TCP11: variants seen among roughly 807,000 people sequenced by gnomAD.
TCP11 encodes the protein T-complex protein 11 homolog.
TCP11 carries 34 observed loss-of-function variants against 45.0 expected under a neutral mutation model. That is an observed-to-expected ratio of 0.76 (90% CI 0.57 to 1.01). The LOEUF (loss-of-function observed/expected upper bound fraction) is 1.01, where lower values mean the gene tolerates loss of function less well. TCP11 is among the 50% of genes least tolerant of loss of function. TCP11 has a pLI of 0.00. For synonymous variants in TCP11, 227 were observed against 227.0 expected, an observed-to-expected ratio of 1.00 and a Z score of 0.00; for missense variants, 523 against 598.1, an observed-to-expected ratio of 0.87 and a Z score of 1.31.
chr6:35,119,541 T>C, intron 8 of TCP11, 150 bp from the exon 9 acceptor site: 4 of 852,824 alleles, frequency 4.7e-6, no homozygotes, highest in Non-Finnish European at 7.1e-6. Context: ...TGGCAGGCTA[T>C]AGGGCCCAGT....
Position 35,118,512 on chromosome 6 carries a change from G to A in TCP11, c.1280-11C>T, listed in dbSNP as rs774160021. On this transcript the variant is annotated splice_polypyrimidine_tract_variant and intron_variant, in intron 9 of 9. Coordinates refer to ENST00000311875, the MANE Select transcript of TCP11 (RefSeq NM_001370687.1). ...AATGGATCCGCTGATCTGTGAGCAG[G>A]AAAAGACACTGATAAGGGAAAAGGC... is the stretch of plus-strand genomic sequence containing the variant. 1.2e-6 allele frequency: 2 copies of A among 1,610,902 alleles called. No homozygotes were observed. Among genetic ancestry groups the A allele is most frequent in the Middle Eastern group, 1.7e-4 (1 of 6,048 alleles).
Position 35,129,157 on chromosome 6 carries a change from CT to C in TCP11, c.261del (p.Val88CysfsTer27), listed in dbSNP as rs1239177105. The C allele has an allele frequency of 6.2e-7, 1 of 1,613,982 alleles. No individual in the cohort carries two copies. Among genetic ancestry groups the C allele is most frequent in the Admixed American group, 1.7e-5 (1 of 59,998 alleles). Reference sequence around the variant, plus strand: ...AGATGGTCCCAAAAGGCATTGTGCACTGTCTCCTTGACCTTGCCTTCCAGAC... The same window carrying C: ...AGATGGTCCCAAAAGGCATTGTGCACGTCTCCTTGACCTTGCCTTCCAGAC... ...PSSLEGKVKETVHNAFWDHLK... is the reference protein window; with the variant it reads ...PSSLEGKVKEXVHNAFWDHLK... On this transcript the variant is annotated frameshift_variant, in exon 4 of 10. Coordinates refer to ENST00000311875, the MANE Select transcript of TCP11 (RefSeq NM_001370687.1). LOFTEE classifies it high-confidence loss of function.
At chr6:35,126,021 G>A (rs1234372499) in intron 4 of TCP11, among the ~76,000 whole-genome samples, 1 of 152,132 alleles carries the variant, frequency 6.6e-6, no homozygotes, top group African/African-American at 2.4e-5. Context: ...TGTTTAATGA[G>A]TACAAAATTT....
At chr6:35,126,553 G>T (rs1180454749) in intron 4 of TCP11, among the ~76,000 whole-genome samples, 9 of 151,782 alleles carry the variant, frequency 5.9e-5, no homozygotes, top group African/African-American at 2.2e-4. Context: ...AAGTAGAATG[G>T]CTTATTTTAG....
At chr6:35,135,789 T>G (rs1417921554) in intron 3 of TCP11, among the ~76,000 whole-genome samples, 1 of 152,070 alleles carries the variant, frequency 6.6e-6, no homozygotes, top group Non-Finnish European at 1.5e-5. Flanking sequence ...GCTGCTAAAT[T>G]TTGGGGTAAT....
rs771201385 is a variant in TCP11, at chr6:35,129,149, A to C, written c.270T>G (p.Asn90Lys). 2 of 1,614,146 alleles carry C rather than the reference A, an allele frequency of 1.2e-6. No homozygotes were observed. The highest frequency in any genetic ancestry group is 2.2e-5 in the South Asian group (2 of 91,074). Reference protein sequence around the residue: ...LEGKVKETVHNAFWDHLKEQL... With the variant: ...LEGKVKETVHKAFWDHLKEQL... Reference sequence around the variant, plus strand: ...GCTCTTTAAGATGGTCCCAAAAGGCATTGTGCACTGTCTCCTTGACCTTGC... The same window carrying C: ...GCTCTTTAAGATGGTCCCAAAAGGCCTTGTGCACTGTCTCCTTGACCTTGC... The change falls in exon 4 of 10, where the codon AAT becomes AAG. Residue 90 changes from asparagine (N) to lysine (K), a missense_variant. Physicochemically the swap from Asn to Lys is moderately conservative, Grantham distance 94. This residue lies in a region of TCP11 where 225 missense variants were observed against 210.2 expected (regional missense o/e 1.07). Transcript: ENST00000311875.
At chr6:35,130,421 A>G (rs1780276494) in intron 3 of TCP11, among the ~76,000 whole-genome samples, 1 of 152,186 alleles carries the variant, frequency 6.6e-6, no homozygotes. Flanking sequence ...AAAACAAGAC[A>G]CACACTAGGA....
intron 4 of TCP11, among the ~76,000 whole-genome samples, chr6:35,126,140 T>C (rs1004991016): frequency 2.6e-5 from 4 of 152,216 alleles, no homozygotes; most frequent in African/African-American, 9.6e-5. Flanking sequence ...AATTTTGTTA[T>C]GAATATTTTG....
intron 9 of TCP11, 44 bp downstream of exon 9, chr6:35,119,184 T>C: frequency 6.2e-7 from 1 of 1,607,120 alleles, no homozygotes; most frequent in South Asian, 1.1e-5. Context: ...GGTTGGGATC[T>C]ATCTCTTCCC....
At chr6:35,135,192 TTCTGAGA>T (rs948869905) in intron 3 of TCP11, among the ~76,000 whole-genome samples, 3 of 151,596 alleles carry the variant, frequency 2.0e-5, no homozygotes, top group African/African-American at 7.3e-5. Context: ...GGGATGTCAC[TTCTGAGA>T]TCAGGTAACA....
intron 4 of TCP11, 29 bp downstream of exon 4, chr6:35,129,033 T>C: frequency 6.2e-7 from 1 of 1,610,422 alleles, no homozygotes; most frequent in South Asian, 1.1e-5. Flanking sequence ...GTCTAGAAAC[T>C]TTACATTTAC....
chr6:35,118,288 G>A lies in TCP11; in HGVS notation c.1493C>T (p.Thr498Ile). The A allele has an allele frequency of 6.2e-7, 1 of 1,614,144 alleles. No individual in the cohort carries two copies. Among genetic ancestry groups the A allele is most frequent in the Non-Finnish European group, 8.5e-7 (1 of 1,180,004 alleles). Reference sequence around the variant, plus strand: ...ACGCTATCAAACAGACTCCACTTTTGTTTCCAGTGCCTGGGCTGGGGAAAT... The same window carrying A: ...ACGCTATCAAACAGACTCCACTTTTATTTCCAGTGCCTGGGCTGGGGAAAT... ...TLISPAQALE[T>I]KVESV Residue 498 changes from threonine (T) to isoleucine (I), a missense_variant, in exon 10 of 10, where the codon ACA becomes ATA. Coordinates refer to ENST00000311875, the MANE Select transcript of TCP11 (RefSeq NM_001370687.1).
intron 3 of TCP11, among the ~76,000 whole-genome samples, chr6:35,131,327 G>C (rs1049093066): frequency 4.0e-5 from 6 of 151,648 alleles, no homozygotes; most frequent in Middle Eastern, 3.4e-3. Context: ...CAGCACTTTG[G>C]GGGGCCGAGG....
chr6:35,131,365 C>T (rs1290183342), intron 3 of TCP11, among the ~76,000 whole-genome samples: 3 of 151,998 alleles, frequency 2.0e-5, no homozygotes, highest in African/African-American at 7.3e-5. Context: ...GCCAGGAGTT[C>T]GAGACCGGCC....
intron 3 of TCP11, among the ~76,000 whole-genome samples, chr6:35,132,972 A>C (rs1780619860): frequency 2.6e-5 from 4 of 152,236 alleles, no homozygotes. Flanking sequence ...TCAAGAACAA[A>C]TCAAAGAAGC....
chr6:35,120,957 T>C lies in TCP11; in HGVS notation c.667A>G (p.Ile223Val). The change falls in exon 6 of 10, where the codon ATT becomes GTT. Residue 223 changes from isoleucine (I) to valine (V), a missense_variant. Coordinates refer to ENST00000311875, the MANE Select transcript of TCP11 (RefSeq NM_001370687.1). This position sits in a 1 kb window ranked among gnomAD's most constrained non-coding sequence, Gnocchi z 4.9. ...TGGAATTTAGCCCGTTCATACTGAA[T>C]GGAATGTTCCTGCAGGTGGGGTTGA... ...SLQPHLQEHS[I>V]QYERAKFQEL... 1 of 1,614,084 alleles carries C rather than the reference T, an allele frequency of 6.2e-7. No individual in the cohort carries two copies. The highest frequency in any genetic ancestry group is 2.2e-5 in the East Asian group (1 of 44,884).
rs112303926 is a variant in TCP11, at chr6:35,141,263, G to C, written c.-73C>G. 2 of 183,622 alleles carry C rather than the reference G, an allele frequency of 1.1e-5. No homozygotes were observed. The highest frequency in any genetic ancestry group is 1.3e-3 in the Middle Eastern group (1 of 758). 11.4% of individuals were successfully genotyped at this position (183,622 alleles called of 1,614,324 possible). On this transcript the variant is annotated 5_prime_UTR_variant, in exon 1 of 10. Transcript: ENST00000311875. ...GTCCGCTCGGTGGGCCTCGCGGCCT[G>C]GCGGCCTGGAGCGTACCACCGCGGC...
intron 2 of TCP11, among the ~76,000 whole-genome samples, chr6:35,138,385 A>G (rs752748641): frequency 6.6e-6 from 1 of 152,230 alleles, no homozygotes; most frequent in African/African-American, 2.4e-5. Flanking sequence ...AGTGCTATTC[A>G]GCCAAAAACA....
chr6:35,122,279 G>C lies in TCP11; in HGVS notation c.416C>G (p.Ala139Gly). The change falls in exon 5 of 10, where the codon GCT (alanine) becomes GGT (glycine). Residue 139 changes from alanine (A) to glycine (G), a missense_variant. Ala to Gly is a moderately conservative substitution (Grantham distance 60). This residue lies in a region of TCP11 where 225 missense variants were observed against 210.2 expected (regional missense o/e 1.07). Transcript: ENST00000311875. Reference protein sequence around the residue: ...QNRLRIEIEEALDMDLLKQEA... With the variant: ...QNRLRIEIEEGLDMDLLKQEA... The stretch of plus-strand genomic sequence containing the variant: ...CTGCTTGAGCAAGTCCATGTCCAGA[G>C]CTTCTTCAATCTCAATTCTCAGGCG... 6.2e-7 allele frequency: 1 copy of C among 1,614,140 alleles called. No individual in the cohort carries two copies. The highest frequency in any genetic ancestry group is 8.5e-7 in the Non-Finnish European group (1 of 1,180,030).
Sources: gnomAD v4.1 joint callset for allele counts (sites outside exome capture counted in the v4.1 genomes callset) on GRCh38, gnomAD v4.1.1 for gene constraint, gnomAD v4.1.1 regional missense constraint, Gnocchi (gnomAD v3.1) non-coding constraint, MANE v1.5 for transcripts, NCBI Gene and HGNC (gene_info 2026-07-23, HGNC 2026-07-21) for gene names.